The following PRH1 variants were observed in gnomAD, a reference collection of about 807,000 sequenced individuals.
The protein encoded by PRH1 is proline rich protein HaeIII subfamily 1.
PRH1 carries 7 observed loss-of-function variants against 7.9 expected under a neutral mutation model. The ratio of observed to expected loss-of-function variants is 0.89; its 90% CI spans 0.50 to 1.67. The LOEUF is 1.67. PRH1 is among the 40% of genes most tolerant of loss of function. The pLI is 0.00. For synonymous variants in PRH1, 45 were observed against 80.8 expected, an observed-to-expected ratio of 0.56 and a Z score of 2.38; for missense variants, 109 against 223.6, an observed-to-expected ratio of 0.49 and a Z score of 3.27.
At chr12:11,171,390 G>A (rs775612513) in intron 1 of PRH1, 33 of 1,231,918 alleles carry the variant, frequency 2.7e-5, no homozygotes, top group Non-Finnish European at 3.0e-5. Context: ...CTCCTTGGCC[G>A]TCAGGGCCTC....
At chr12:11,137,344 A>G (rs1946586057) in intron 1 of PRH1, among the ~76,000 whole-genome samples, 1 of 152,204 alleles carries the variant, frequency 6.6e-6, no homozygotes, top group Admixed American at 6.5e-5. Context: ...TGGAAACAAA[A>G]CTGAATCTGG....
At chr12:10,941,104 A>G (rs12322464) in intron 2 of PRH1, among the ~76,000 whole-genome samples, 34,904 of 152,054 alleles carry the variant, frequency 0.23, 4,995 homozygotes, top group East Asian at 0.53. Context: ...TTGGGAAAGA[A>G]GACAAAGAGA....
At chr12:10,930,111 A>C (rs995725516) in intron 2 of PRH1, among the ~76,000 whole-genome samples, 13 of 152,252 alleles carry the variant, frequency 8.5e-5, no homozygotes, top group African/African-American at 3.1e-4. Context: ...GCTTTCCCTT[A>C]CATCTTCTTC....
rs1483542066 is a variant in PRH1, at chr12:11,091,247, T to C, written n.124-44059A>G. On this transcript the variant is annotated intron_variant and non_coding_transcript_variant, in intron 1 of 4. Transcript: ENST00000541977. ...CCAGTAAGAAATATAAAATGTTTCATACACCACCAGTTTGTTTCCTGCTAG... is the reference window on the plus strand; with the variant it reads ...CCAGTAAGAAATATAAAATGTTTCACACACCACCAGTTTGTTTCCTGCTAG... 3 of 1,113,696 alleles carry C rather than the reference T, an allele frequency of 2.7e-6. 1 individual carries two copies. The African/African-American group carries it at 5.1e-5, about 19-fold the overall frequency. The allele number at this position is 1,113,696 out of a possible 1,614,324, so 69.0% of individuals were successfully genotyped here.
chr12:11,022,670 A>G, intron 1 of PRH1: 1 of 907,048 alleles, frequency 1.1e-6, no homozygotes, highest in South Asian at 1.8e-5. Context: ...CTAAATGTGC[A>G]ATAACATTTT....
rs149611559 is a variant in PRH1 at position 10,890,322 on chromosome 12, C to T, written c.-58-6047G>A. Among the ~76,000 whole-genome samples, 1,472 of 152,026 alleles carry T rather than the reference C, an allele frequency of 9.7e-3. 9 individuals are homozygous for T. Among genetic ancestry groups the T allele is most frequent in the Non-Finnish European group, 0.015 (1,045 of 67,980 alleles). ...CACACCATACATACAGATATAAAGA[C>T]AATAAAAAGCAGTGCATCGAATGGG... On this transcript the variant is annotated intron_variant, in intron 2 of 3. Transcript: ENST00000539853.
chr12:11,032,094 T>C (rs1942249732), intron 1 of PRH1, among the ~76,000 whole-genome samples: 1 of 152,222 alleles, frequency 6.6e-6, no homozygotes, highest in African/African-American at 2.4e-5. Context: ...TCTGTTCTTG[T>C]TATAGGCTGG....
intron 1 of PRH1, among the ~76,000 whole-genome samples, chr12:11,161,229 G>C (rs1947403776): frequency 6.6e-6 from 1 of 152,188 alleles, no homozygotes; most frequent in African/African-American, 2.4e-5. Flanking sequence ...TAACTACATA[G>C]GGAAGGTTAC....
intron 1 of PRH1, among the ~76,000 whole-genome samples, chr12:11,142,033 T>C (rs906484226): frequency 6.6e-6 from 1 of 151,980 alleles, no homozygotes; most frequent in Non-Finnish European, 1.5e-5. Context: ...GCTCAAGTGG[T>C]CCCCTCATCT....
intron 2 of PRH1, among the ~76,000 whole-genome samples, chr12:10,942,265 G>A (rs1253961140): frequency 6.6e-6 from 1 of 152,154 alleles, no homozygotes; most frequent in African/African-American, 2.4e-5. Flanking sequence ...CCGGCAGTGG[G>A]TAAGTCACTA....
intron 1 of PRH1, among the ~76,000 whole-genome samples, chr12:11,100,196 T>C (rs893664524): frequency 3.3e-5 from 5 of 152,124 alleles, no homozygotes; most frequent in African/African-American, 9.7e-5. Context: ...AATACCGGAA[T>C]GCATCATAAA....
chr12:10,961,358 C>A (rs1938227569), intron 2 of PRH1, among the ~76,000 whole-genome samples: 5 of 150,850 alleles, frequency 3.3e-5, no homozygotes, highest in Admixed American at 3.3e-4. Context: ...ATGGCAGCAT[C>A]CCCCAAATAA....
At chr12:11,147,777 A>AT (rs1946912609) in intron 1 of PRH1, among the ~76,000 whole-genome samples, 1 of 152,226 alleles carries the variant, frequency 6.6e-6, no homozygotes, top group South Asian at 2.1e-4. Context: ...TTTCTGCCTT[A>AT]TTTAAGATAT....
At chr12:10,897,116 T>A (rs758138915) in intron 2 of PRH1, among the ~76,000 whole-genome samples, 1 of 152,124 alleles carries the variant, frequency 6.6e-6, no homozygotes, top group Non-Finnish European at 1.5e-5. Flanking sequence ...CCCCAGGTAC[T>A]AAACCTATGA....
At chr12:11,074,409 C>G (rs1297489515) in intron 1 of PRH1, among the ~76,000 whole-genome samples, 2 of 133,636 alleles carry the variant, frequency 1.5e-5, no homozygotes, top group Non-Finnish European at 3.4e-5. Context: ...TCTCCACATC[C>G]CCTCCTAATG....
chr12:11,087,347 G>A (rs1428630830), intron 1 of PRH1, among the ~76,000 whole-genome samples: 2 of 117,206 alleles, frequency 1.7e-5, no homozygotes, highest in South Asian at 4.6e-4. Flanking sequence ...TCCCACCTTG[G>A]CCTCCCAAAG....
At chr12:11,062,311 A>G (rs1465519911) in intron 1 of PRH1, 5 of 1,582,876 alleles carry the variant, frequency 3.2e-6, no homozygotes, top group Admixed American at 1.9e-5. Flanking sequence ...ACAGACAAAA[A>G]GAAATTTTTA....
At chr12:11,131,790 T>A (rs2136360342) in intron 1 of PRH1, among the ~76,000 whole-genome samples, 1 of 152,380 alleles carries the variant, frequency 6.6e-6, no homozygotes, top group East Asian at 1.9e-4. Flanking sequence ...AATCTTAACC[T>A]GAGACCAGAA....
chr12:11,083,572 G>T (rs1415322891), intron 1 of PRH1, among the ~76,000 whole-genome samples: 1 of 46,856 alleles, frequency 2.1e-5, no homozygotes, highest in African/African-American at 5.7e-5. Flanking sequence ...TAAATGTACA[G>T]TAAAGAAAAA....
Sources: gnomAD v4.1 joint callset for allele counts (sites outside exome capture counted in the v4.1 genomes callset) on GRCh38, gnomAD v4.1.1 for gene constraint, MANE v1.5 for transcripts, NCBI Gene and HGNC (gene_info 2026-07-23, HGNC 2026-07-21) for gene names.